Variants in DLAT observed in about 807,000 individuals in gnomAD.
The protein encoded by DLAT is dihydrolipoyllysine-residue acetyltransferase component of pyruvate dehydrogenase complex, mitochondrial.
A neutral mutation model predicts 68.0 loss-of-function variants in DLAT; 43 were observed. The observed-to-expected ratio is 0.63, with a 90% CI of 0.50 to 0.81. The LOEUF is 0.81. Among genes scored for constraint, DLAT ranks in the 40% least tolerant of loss-of-function variants. The pLI is 0.00. For missense variants in DLAT, 745 were observed against 815.4 expected, an observed-to-expected ratio of 0.91 and a Z score of 1.05; for synonymous variants, 265 against 288.6, an observed-to-expected ratio of 0.92 and a Z score of 0.83.
chr11:112,051,245 G>A lies in DLAT; in HGVS notation c.1410G>A (p.Gly470=), dbSNP rs782026362. 3.1e-6 allele frequency: 5 copies of A among 1,610,788 alleles called. No homozygotes were observed. The highest frequency in any genetic ancestry group is 8.5e-7 in the Non-Finnish European group (1 of 1,179,038). ...TCTTGTCTTTCCAGATATTAGAAGG[G>A]AGAAGCAAAATTTCTGTCAATGACT... The part of the protein sequence containing the change: ...VRKELNKILE[G]RSKISVNDFI... Residue 470 remains glycine, a synonymous_variant, in exon 11 of 14, where the codon GGG becomes GGA. Transcript: ENST00000280346. This position sits in a 1 kb window ranked among gnomAD's most constrained non-coding sequence, Gnocchi z 4.3.
At chr11:112,029,715 C>T (rs1862291479) in intron 4 of DLAT, 1 of 362,398 alleles carries the variant, frequency 2.8e-6, no homozygotes, top group Admixed American at 3.7e-5. Flanking sequence ...CCAGTACTTC[C>T]AGGGTCTCTT....
chr11:112,038,918 C>T (rs781885053), intron 6 of DLAT, among the ~76,000 whole-genome samples: 110 of 150,744 alleles, frequency 7.3e-4, no homozygotes, highest in Non-Finnish European at 1.1e-3. Flanking sequence ...TAAAAGAATG[C>T]GAATAAAGAA....
At chr11:112,053,730 G>A (rs905873858) in intron 11 of DLAT, among the ~76,000 whole-genome samples, 3 of 152,168 alleles carry the variant, frequency 2.0e-5, no homozygotes, top group Non-Finnish European at 4.4e-5. Flanking sequence ...TGGGATCACA[G>A]GTGTGAGCTA....
chr11:112,053,152 T>C (rs1037020928), intron 11 of DLAT, among the ~76,000 whole-genome samples: 15 of 152,026 alleles, frequency 9.9e-5, no homozygotes, highest in African/African-American at 3.6e-4. Context: ...TGAAACCCCA[T>C]CTCTACTAAA....
rs186418446 is a variant in DLAT at position 112,028,750 on chromosome 11, T to C, written c.507-42T>C. The stretch of plus-strand genomic sequence containing the variant: ...TTTTTAAGACTACTTTTGTGAAAGC[T>C]GAATCTGCCCATTATATTTATGCAT... On this transcript the variant is annotated intron_variant, in intron 3 of 13. Coordinates refer to ENST00000280346, the MANE Select transcript of DLAT (RefSeq NM_001931.5). The C allele has an allele frequency of 1.5e-5, 24 of 1,614,156 alleles. No homozygotes were observed. In the Admixed American group the frequency reaches 4.0e-4, roughly 27 times the overall value.
intron 11 of DLAT, among the ~76,000 whole-genome samples, chr11:112,057,965 AG>A (rs1157630461): frequency 6.6e-6 from 1 of 152,210 alleles, no homozygotes; most frequent in African/African-American, 2.4e-5. Context: ...ACAACAGTGT[AG>A]TGTTAAGCAT....
intron 5 of DLAT, among the ~76,000 whole-genome samples, chr11:112,034,425 A>G (rs1353291454): frequency 1.3e-5 from 2 of 151,798 alleles, no homozygotes; most frequent in Non-Finnish European, 2.9e-5. Context: ...CCATATAGAC[A>G]ATAATATATT....
At chr11:112,043,590 C>T in intron 8 of DLAT, 57 bp downstream of exon 8, 1 of 1,338,990 alleles carries the variant, frequency 7.5e-7, no homozygotes, top group East Asian at 2.3e-5. Flanking sequence ...CCTGTTAGAC[C>T]ATTTCATACA....
intron 2 of DLAT, among the ~76,000 whole-genome samples, chr11:112,027,273 G>A (rs1451605760): frequency 2.7e-5 from 4 of 150,386 alleles, no homozygotes; most frequent in African/African-American, 1.0e-4. Context: ...GGTCGCGGCC[G>A]GGTAGAGGCG....
chr11:112,050,419 G>C (rs1327537391), intron 10 of DLAT, among the ~76,000 whole-genome samples: 7 of 150,414 alleles, frequency 4.7e-5, no homozygotes, highest in African/African-American at 1.7e-4. Flanking sequence ...GCTCTTCTTT[G>C]ATTTTTCTTT....
Position 112,032,541 on chromosome 11 carries a change from G to C in DLAT, c.661-863G>C, listed in dbSNP as rs797038387. ...CACGAATTTGTTGTCCTTGCGCAGG[G>C]GCCATGCTAATCTCTATATCGTTCC... is the stretch of plus-strand genomic sequence containing the variant. On this transcript the variant is annotated intron_variant, in intron 4 of 13. Transcript: ENST00000280346. 5.3e-5 allele frequency: 8 copies of C among 152,010 alleles called. 1 individual carries two copies. The highest frequency in any genetic ancestry group is 1.9e-4 in the African/African-American group (8 of 41,438). The allele number at this position is 152,010 out of a possible 1,614,324, so 9.4% of individuals were successfully genotyped here. A position where few individuals can be genotyped will look rare whatever the true frequency, so the allele number is the denominator to read the frequency against.
At chr11:112,053,572 C>T (rs1555182190) in intron 11 of DLAT, among the ~76,000 whole-genome samples, 2 of 152,098 alleles carry the variant, frequency 1.3e-5, no homozygotes, top group Non-Finnish European at 2.9e-5. Context: ...CCTACCTCAG[C>T]CTCCTGAGTA....
rs1863612298 is a variant in DLAT at position 112,051,236 on chromosome 11, A to G, written c.1401A>G (p.Ile467Met). 6.2e-7 allele frequency: 1 copy of G among 1,601,126 alleles called. No individual in the cohort carries two copies. The highest frequency in any genetic ancestry group is 8.5e-7 in the Non-Finnish European group (1 of 1,170,716). ...VLLVRKELNK[I>M]LEGRSKISVN... ...TACAGTTCTTCTTGTCTTTCCAGATATTAGAAGGGAGAAGCAAAATTTCTG... is the reference window on the plus strand; with the variant it reads ...TACAGTTCTTCTTGTCTTTCCAGATGTTAGAAGGGAGAAGCAAAATTTCTG... Residue 467 changes from isoleucine (I) to methionine (M), a missense_variant and splice_region_variant, in exon 11 of 14, where the codon ATA (isoleucine) becomes ATG (methionine). By Grantham distance (10) the Ile-to-Met change is conservative. Transcript: ENST00000280346. This position sits in a 1 kb window ranked among gnomAD's most constrained non-coding sequence, Gnocchi z 4.3.
In DLAT at chr11:112,025,643, A is replaced by G; in HGVS notation, c.171A>G (p.Ala57=). 2 of 1,613,176 alleles carry G rather than the reference A, an allele frequency of 1.2e-6. No individual in the cohort carries two copies. Among genetic ancestry groups the G allele is most frequent in the Non-Finnish European group, 1.7e-6 (2 of 1,179,952 alleles). The change falls in exon 1 of 14, where the codon GCA becomes GCG. Residue 57 remains alanine, a synonymous_variant. Transcript: ENST00000280346. The stretch of plus-strand genomic sequence containing the variant: ...CTACAGGGTATGGCGGGGTCCGGGC[A>G]CTGTGCGGCTGGACCCCCAGTTCTG... ...SVTTGYGGVR[A]LCGWTPSSGA...
Position 112,025,690 on chromosome 11 carries a change from T to G in DLAT, c.218T>G (p.Leu73Ter). ...TCTGGGGCCACGCCGCGGAACCGCTTACTGCTGCAGCTTTTGGGGTCGCCC... is the reference window on the plus strand; with the variant it reads ...TCTGGGGCCACGCCGCGGAACCGCTGACTGCTGCAGCTTTTGGGGTCGCCC... ...PSSGATPRNR[L>*]LLQLLGSPGR... Residue 73 changes from leucine (L) to a stop codon, truncating the protein, a stop_gained, in exon 1 of 14, where the codon TTA becomes TGA. Coordinates refer to ENST00000280346, the MANE Select transcript of DLAT (RefSeq NM_001931.5). LOFTEE classifies it high-confidence loss of function. 6.2e-7 allele frequency: 1 copy of G among 1,613,060 alleles called. No individual in the cohort carries two copies. Among genetic ancestry groups the G allele is most frequent in the South Asian group, 1.1e-5 (1 of 91,058 alleles).
intron 13 of DLAT, 88 bp from the exon 14 acceptor site, chr11:112,062,317 TA>T: frequency 3.5e-6 from 5 of 1,409,600 alleles, no homozygotes; most frequent in Non-Finnish European, 5.0e-6. Flanking sequence ...TGGTTGGGAT[TA>T]TAGGGTAGGA....
Position 112,061,175 on chromosome 11 carries a change from G to A in DLAT, c.1814+1G>A. 6.2e-7 allele frequency: 1 copy of A among 1,614,012 alleles called. No homozygotes were observed. The highest frequency in any genetic ancestry group is 8.5e-7 in the Non-Finnish European group (1 of 1,179,982). On this transcript the variant is annotated splice_donor_variant, in intron 13 of 13. Coordinates refer to ENST00000280346, the MANE Select transcript of DLAT (RefSeq NM_001931.5). LOFTEE classifies it high-confidence loss of function. ...TGGTCCCTGCAGATAATGAAAAAGG[G>A]TAAGTGCCAAAATGGAGGGGAAGTC... is the stretch of plus-strand genomic sequence containing the variant.
At chr11:112,042,591 G>A (rs1555181072) in intron 7 of DLAT, among the ~76,000 whole-genome samples, 1 of 152,110 alleles carries the variant, frequency 6.6e-6, no homozygotes, top group East Asian at 1.9e-4. Context: ...TCCTAGAAGT[G>A]GGCCAGTGTA....
intron 8 of DLAT, among the ~76,000 whole-genome samples, chr11:112,044,005 A>T (rs976898946): frequency 7.9e-5 from 12 of 152,188 alleles, no homozygotes; most frequent in Non-Finnish European, 1.5e-4. Flanking sequence ...TGGAGGGCCA[A>T]GTGTATTTAG....
Sources: gnomAD v4.1 joint callset for allele counts (sites outside exome capture counted in the v4.1 genomes callset) on GRCh38, gnomAD v4.1.1 for gene constraint, Gnocchi (gnomAD v3.1) non-coding constraint, MANE v1.5 for transcripts, NCBI Gene and HGNC (gene_info 2026-07-23, HGNC 2026-07-21) for gene names.